NUCB2: variants seen among roughly 807,000 people sequenced by gnomAD.
The protein encoded by NUCB2 is nucleobindin-2.
In NUCB2, 48 loss-of-function variants were observed where a neutral mutation model predicts 57.9. The ratio of observed to expected loss-of-function variants is 0.83; its 90% CI spans 0.66 to 1.05. The LOEUF (loss-of-function observed/expected upper bound fraction) is 1.05. NUCB2 is among the 50% of genes least tolerant of loss of function. The pLI, the probability that NUCB2 is intolerant of heterozygous loss-of-function variation, is 0.00. For synonymous variants in NUCB2, 139 were observed against 152.1 expected, an observed-to-expected ratio of 0.91 and a Z score of 0.64; for missense variants, 442 against 476.2, an observed-to-expected ratio of 0.93 and a Z score of 0.67.
chr11:17,304,957 T>C (rs939163276), intron 5 of NUCB2, among the ~76,000 whole-genome samples: 1 of 152,248 alleles, frequency 6.6e-6, no homozygotes, highest in African/African-American at 2.4e-5. Context: ...AATTTAAACA[T>C]AATCCAAATA....
rs568845939 is a variant in NUCB2 at position 17,280,376 on chromosome 11, T to C, written c.-155-2413T>C. Among the ~76,000 whole-genome samples, 20 of 152,352 alleles carry C rather than the reference T, an allele frequency of 1.3e-4. No individual in the cohort carries two copies. The East Asian group carries it at 2.7e-3, about 21-fold the overall frequency. Reference sequence around the variant, plus strand: ...AGCTGGAGTCCAACTCAGCTGGTCATACACTTGATATTTTATTTGAACCTC... The same window carrying C: ...AGCTGGAGTCCAACTCAGCTGGTCACACACTTGATATTTTATTTGAACCTC... On this transcript the variant is annotated intron_variant, in intron 1 of 13. Coordinates refer to ENST00000529010, the MANE Select transcript of NUCB2 (RefSeq NM_005013.4).
intron 1 of NUCB2, among the ~76,000 whole-genome samples, chr11:17,277,506 G>A (rs894060335): frequency 6.6e-6 from 1 of 151,400 alleles, no homozygotes; most frequent in Non-Finnish European, 1.5e-5. Flanking sequence ...AGGGAAAGAA[G>A]GAGAGAGAGA....
chr11:17,306,086 A>G (rs768915411), intron 5 of NUCB2, among the ~76,000 whole-genome samples: 1 of 152,202 alleles, frequency 6.6e-6, no homozygotes, highest in Non-Finnish European at 1.5e-5. Flanking sequence ...AGCACAGGTG[A>G]ATTTCCTGTA....
intron 5 of NUCB2, among the ~76,000 whole-genome samples, chr11:17,308,740 C>T (rs1048402174): frequency 6.6e-6 from 1 of 151,904 alleles, no homozygotes; most frequent in Non-Finnish European, 1.5e-5. Flanking sequence ...GTTTTTTAAA[C>T]GTTAAAAAAA....
chr11:17,348,674 A>G (rs1952970331), intron 2 of NUCB2, among the ~76,000 whole-genome samples: 1 of 151,530 alleles, frequency 6.6e-6, no homozygotes, highest in African/African-American at 2.4e-5. Flanking sequence ...ACTGTGCTTT[A>G]GCCATCGCTG....
At chr11:17,332,621 G>A (rs2139510457), downstream of NUCB2, 1 of 149,396 alleles carries the variant, frequency 6.7e-6, no homozygotes, top group Admixed American at 6.8e-5. Context: ...ATGTTAGGGT[G>A]TGGCTCCTTG....
intron 2 of NUCB2, chr11:17,283,630 T>C (rs1440339737): frequency 6.6e-6 from 1 of 152,250 alleles, no homozygotes; most frequent in African/African-American, 2.4e-5. Flanking sequence ...TTCTGTCTTA[T>C]TTGTGGATTT....
chr11:17,287,733 C>T (rs1443388755), intron 2 of NUCB2, among the ~76,000 whole-genome samples: 1 of 151,294 alleles, frequency 6.6e-6, no homozygotes, highest in East Asian at 1.9e-4. Context: ...GATGTGGTGG[C>T]TCACTCCTGT....
chr11:17,283,185 T>A (rs1269098346), intron 2 of NUCB2, among the ~76,000 whole-genome samples: 3 of 152,242 alleles, frequency 2.0e-5, no homozygotes, highest in Non-Finnish European at 2.9e-5. Flanking sequence ...GACATTCTTG[T>A]AGTACTGGTT....
At chr11:17,343,258 G>T (rs896635144) in intron 2 of NUCB2, among the ~76,000 whole-genome samples, 4 of 151,876 alleles carry the variant, frequency 2.6e-5, no homozygotes, top group South Asian at 2.1e-4. Flanking sequence ...GGGTCTTGAC[G>T]CTTTATCCAA....
At chr11:17,321,872 C>T (rs1255927321) in intron 11 of NUCB2, among the ~76,000 whole-genome samples, 1 of 152,020 alleles carries the variant, frequency 6.6e-6, no homozygotes, top group African/African-American at 2.4e-5. Context: ...TTTCATATGC[C>T]TGTTTGCCAT....
intron 11 of NUCB2, chr11:17,317,464 C>A: frequency 3.8e-6 from 1 of 260,444 alleles, no homozygotes; most frequent in South Asian, 3.8e-5. Context: ...ATACTACACA[C>A]ATGGTACTCT....
At chr11:17,281,703 A>AT (rs1412012432) in intron 1 of NUCB2, among the ~76,000 whole-genome samples, 4 of 152,176 alleles carry the variant, frequency 2.6e-5, no homozygotes, top group African/African-American at 9.6e-5. Context: ...TTGTGTGTTT[A>AT]TTTTTTACCA....
intron 5 of NUCB2, among the ~76,000 whole-genome samples, chr11:17,306,880 C>G (rs1446125767): frequency 6.6e-6 from 1 of 150,474 alleles, no homozygotes; most frequent in African/African-American, 2.4e-5. Context: ...CCACTGTGCC[C>G]CAGCCTGGGT....
rs1491123872 is a variant in NUCB2 at position 17,288,964 on chromosome 11, T to TA, written c.-1+6021_-1+6022insA. ...ACACACACACACATATATATATATATTTTTTTTTTTTGAGATGGAGTTTTG... is the reference window on the plus strand; with the variant it reads ...ACACACACACACATATATATATATATATTTTTTTTTTTGAGATGGAGTTTTG... On this transcript the variant is annotated intron_variant, in intron 2 of 13. Transcript: ENST00000529010. 4.4e-4 allele frequency among the ~76,000 whole-genome samples: 32 copies of TA among 73,504 alleles called. 3 individuals are homozygous for TA. Among genetic ancestry groups the TA allele is most frequent in the Admixed American group, 1.1e-3 (7 of 6,364 alleles). The allele number at this position is 73,504 out of a possible 152,430, so 48.2% of individuals were successfully genotyped here. A position where few individuals can be genotyped will look rare whatever the true frequency, so the allele number is the denominator to read the frequency against.
chr11:17,329,915 A>G (rs1370326667), intron 11 of NUCB2, among the ~76,000 whole-genome samples: 2 of 152,184 alleles, frequency 1.3e-5, no homozygotes, highest in African/African-American at 4.8e-5. Context: ...TGTCAATCCC[A>G]GAAGAGAATC....
rs1259872772 is a variant in NUCB2, at chr11:17,331,573, A to G, written c.*154A>G. 2 of 442,032 alleles carry G rather than the reference A, an allele frequency of 4.5e-6. No homozygotes were observed. Among genetic ancestry groups the G allele is most frequent in the Non-Finnish European group, 7.9e-6 (2 of 252,176 alleles). 27.4% of individuals were successfully genotyped at this position (442,032 alleles called of 1,614,324 possible). A position where few individuals can be genotyped will look rare whatever the true frequency, so the allele number is the denominator to read the frequency against. ...TTTAAATGAAAACACTTTTTTTGGG[A>G]CACAGATATTAAAGGATTGAAGTTT... On this transcript the variant is annotated 3_prime_UTR_variant, in exon 14 of 14. Coordinates refer to ENST00000529010, the MANE Select transcript of NUCB2 (RefSeq NM_005013.4).
rs570097103 is a variant in NUCB2 at position 17,289,876 on chromosome 11, A to C, written c.1-5448A>C. Among the ~76,000 whole-genome samples the C allele has an allele frequency of 2.5e-4, 38 of 152,198 alleles. 1 individual carries two copies. Among genetic ancestry groups the C allele is most frequent in the Non-Finnish European group, 1.9e-4 (13 of 68,042 alleles). Reference sequence around the variant, plus strand: ...CAGCTTTATTTTTTCCTTAAACTATACTTTGCTGGAAGTTGTGCAGCTTCT... The same window carrying C: ...CAGCTTTATTTTTTCCTTAAACTATCCTTTGCTGGAAGTTGTGCAGCTTCT... On this transcript the variant is annotated intron_variant, in intron 2 of 13. Transcript: ENST00000529010.
chr11:17,340,216 T>A (rs1331769523), intron 2 of NUCB2, among the ~76,000 whole-genome samples: 1 of 152,200 alleles, frequency 6.6e-6, no homozygotes, highest in African/African-American at 2.4e-5. Context: ...TTCTTGCAAA[T>A]TTGTTTGAGT....
Sources: gnomAD v4.1 joint callset for allele counts (sites outside exome capture counted in the v4.1 genomes callset) on GRCh38, gnomAD v4.1.1 for gene constraint, MANE v1.5 for transcripts, NCBI Gene and HGNC (gene_info 2026-07-23, HGNC 2026-07-21) for gene names.